MAGI1: variants seen among roughly 807,000 people sequenced by gnomAD.
MAGI1 encodes the protein membrane-associated guanylate kinase, WW and PDZ domain-containing protein 1.
MAGI1 carries 58 observed loss-of-function variants against 139.9 expected under a neutral mutation model. The ratio of observed to expected loss-of-function variants is 0.41; its 90% CI spans 0.34 to 0.52. The LOEUF is 0.52. Ranked by LOEUF, MAGI1 falls within the 20% of genes least tolerant of loss-of-function variation. MAGI1 has a pLI of 0.12. For synonymous variants in MAGI1, 812 were observed against 737.9 expected (o/e 1.10, Z -1.63); for missense variants, 1,874 against 1,901.6 (o/e 0.99, Z 0.27).
At chr3:65,550,446 C>A (rs187016668) in intron 2 of MAGI1, among the ~76,000 whole-genome samples, 90 of 152,254 alleles carry the variant, frequency 5.9e-4, no homozygotes, top group Non-Finnish European at 3.8e-4. Context: ...TCTTCACTGG[C>A]AAGAATAAAA....
At chr3:66,035,104 A>T (rs1051396419) in intron 1 of MAGI1, among the ~76,000 whole-genome samples, 1 of 152,210 alleles carries the variant, frequency 6.6e-6, no homozygotes, top group African/African-American at 2.4e-5. Flanking sequence ...ATTTTATGAC[A>T]AAGTACTGTC....
intron 4 of MAGI1, among the ~76,000 whole-genome samples, chr3:65,476,612 G>A (rs1414892870): frequency 1.3e-5 from 2 of 152,110 alleles, no homozygotes; most frequent in Non-Finnish European, 2.9e-5. Flanking sequence ...ATAAATAGAG[G>A]ACAAATACAG....
chr3:65,730,560 G>A (rs995310228), intron 1 of MAGI1, among the ~76,000 whole-genome samples: 13 of 152,324 alleles, frequency 8.5e-5, no homozygotes, highest in Middle Eastern at 3.4e-3. Flanking sequence ...TGGCAGAATG[G>A]ACTGACGAGA....
chr3:65,681,936 A>G (rs981858836), intron 1 of MAGI1, among the ~76,000 whole-genome samples: 1 of 152,108 alleles, frequency 6.6e-6, no homozygotes, highest in Non-Finnish European at 1.5e-5. Context: ...TGTGACTTCA[A>G]GCTATCCTCC....
intron 1 of MAGI1, among the ~76,000 whole-genome samples, chr3:65,694,031 T>G (rs2107578684): frequency 6.6e-6 from 1 of 152,212 alleles, no homozygotes; most frequent in Non-Finnish European, 1.5e-5. Context: ...CAGAACACTT[T>G]CTTAACGGAG....
At position 65,836,826 on chromosome 3, in the gene MAGI1, G is replaced by C. The variant is rs570372469; in HGVS notation, c.313+201170C>G. Among the ~76,000 whole-genome samples the C allele has an allele frequency of 2.0e-5, 3 of 152,218 alleles. No individual in the cohort carries two copies. In the East Asian group the frequency reaches 5.8e-4, roughly 29 times the overall value. Reference sequence around the variant, plus strand: ...AGAGAGAGAGAGACAGAGAGAAAGAGAAAGAGAGAAAGAGCGAGCTGTGCT... The same window carrying C: ...AGAGAGAGAGAGACAGAGAGAAAGACAAAGAGAGAAAGAGCGAGCTGTGCT... On this transcript the variant is annotated intron_variant, in intron 1 of 22. Transcript: ENST00000402939.
At chr3:65,934,790 A>C (rs1007039705) in intron 1 of MAGI1, among the ~76,000 whole-genome samples, 1 of 126,232 alleles carries the variant, frequency 7.9e-6, no homozygotes, top group African/African-American at 2.9e-5. Flanking sequence ...TTTTAAGGGG[A>C]GGTTGTGGTG....
chr3:65,644,688 A>G (rs2085162764), intron 1 of MAGI1, among the ~76,000 whole-genome samples: 2 of 152,084 alleles, frequency 1.3e-5, no homozygotes, highest in African/African-American at 4.8e-5. Context: ...ACATTAGTCA[A>G]TTTGAAGGTA....
At chr3:65,729,891 CA>C (rs1181281516) in intron 1 of MAGI1, among the ~76,000 whole-genome samples, 1 of 152,182 alleles carries the variant, frequency 6.6e-6, no homozygotes, top group African/African-American at 2.4e-5. Flanking sequence ...ATCCTGCTAC[CA>C]CTGACCTTTG....
At chr3:65,711,495 T>C (rs2031413074) in intron 1 of MAGI1, among the ~76,000 whole-genome samples, 1 of 152,098 alleles carries the variant, frequency 6.6e-6, no homozygotes, top group Admixed American at 6.5e-5. Flanking sequence ...CAAAAAAATC[T>C]TTAGGCAATT....
At position 65,356,846 on chromosome 3, in the gene MAGI1, C is replaced by A. The variant is rs776538913; in HGVS notation, c.3921G>T (p.Ala1307=). ...TGGCGGCTGCCGCGCGCTCGGCCTG[C>A]GCGTCCCTCCGTCCCTCCGGCGCCC... ...KDRAPEGRRD[A]QAERAAAANG... The change falls in exon 23 of 23, where the codon GCG becomes GCT. Residue 1307 remains alanine (A), a synonymous_variant. Coordinates refer to ENST00000402939, the MANE Select transcript of MAGI1 (RefSeq NM_001033057.2). 1.9e-6 allele frequency: 3 copies of A among 1,613,648 alleles called. No individual in the cohort carries two copies. The highest frequency in any genetic ancestry group is 1.3e-5 in the African/African-American group (1 of 75,036).
intron 1 of MAGI1, among the ~76,000 whole-genome samples, chr3:65,936,764 C>G (rs535020156): frequency 1.8e-4 from 28 of 152,166 alleles, no homozygotes; most frequent in Non-Finnish European, 1.5e-4. Context: ...CAGGGTCTCA[C>G]TCTGCCATCG....
intron 1 of MAGI1, among the ~76,000 whole-genome samples, chr3:65,802,454 T>C (rs2040573801): frequency 6.6e-6 from 1 of 152,108 alleles, no homozygotes; most frequent in Non-Finnish European, 1.5e-5. Flanking sequence ...AAATAAAAGA[T>C]GGTAAACAGA....
intron 4 of MAGI1, among the ~76,000 whole-genome samples, chr3:65,477,000 C>A (rs752763858): frequency 1.1e-4 from 17 of 152,170 alleles, no homozygotes; most frequent in Non-Finnish European, 2.1e-4. Flanking sequence ...GAGTCAAATT[C>A]ATACAGCTAA....
intron 7 of MAGI1, among the ~76,000 whole-genome samples, chr3:65,443,263 AG>A (rs1948466468): frequency 6.6e-6 from 1 of 152,194 alleles, no homozygotes; most frequent in African/African-American, 2.4e-5. Context: ...TCAGTACAAT[AG>A]TGTTGTTTTG....
intron 2 of MAGI1, among the ~76,000 whole-genome samples, chr3:65,555,649 A>C (rs1347737907): frequency 2.0e-5 from 3 of 152,316 alleles, no homozygotes; most frequent in Non-Finnish European, 2.9e-5. Context: ...ACTTGAGCCA[A>C]GGTCAAGACC....
intron 1 of MAGI1, among the ~76,000 whole-genome samples, chr3:66,023,527 T>C (rs557489147): frequency 6.4e-4 from 97 of 152,274 alleles, no homozygotes; most frequent in African/African-American, 2.3e-3. Context: ...AGGGCTACAC[T>C]GGTTTGCAAA....
chr3:65,506,266 T>A (rs2077283802), intron 2 of MAGI1, among the ~76,000 whole-genome samples: 1 of 152,170 alleles, frequency 6.6e-6, no homozygotes, highest in Non-Finnish European at 1.5e-5. Context: ...GTGTGAGGAT[T>A]ACATGAGATA....
At chr3:65,471,409 G>T (rs942202627) in intron 4 of MAGI1, among the ~76,000 whole-genome samples, 1 of 152,162 alleles carries the variant, frequency 6.6e-6, no homozygotes, top group Admixed American at 6.5e-5. Context: ...AGCAAAAACA[G>T]AGTGAAGAAT....
Sources: allele counts gnomAD v4.1 joint callset (sites outside exome capture counted in the v4.1 genomes callset), GRCh38; gene constraint gnomAD v4.1.1; transcripts MANE v1.5; gene names NCBI Gene and HGNC (gene_info 2026-07-23, HGNC 2026-07-21).